The following CDS2 variants were observed in gnomAD, a reference collection of about 807,000 sequenced individuals.
CDS2 encodes the protein CDP-diacylglycerol synthase 2, also known as phosphatidate cytidylyltransferase 2.
In CDS2, 47 loss-of-function variants were observed where a neutral mutation model predicts 59.0. That is an observed-to-expected ratio of 0.80 (90% CI 0.63 to 1.02). The LOEUF (loss-of-function observed/expected upper bound fraction) is 1.02, where lower values mean the gene tolerates loss of function less well. Among genes scored for constraint, CDS2 ranks in the 50% least tolerant of loss-of-function variants. CDS2 has a pLI of 0.00. For missense variants in CDS2, 356 were observed against 558.9 expected (o/e 0.64, Z 3.66); for synonymous variants, 207 against 206.4 (o/e 1.00, Z -0.02).
At chr20:5,127,273 C>A in intron 1 of CDS2, 124 bp downstream of exon 1, 3 of 913,698 alleles carry the variant, frequency 3.3e-6, no homozygotes, top group Non-Finnish European at 4.5e-6. Context: ...CGGCCCCGGG[C>A]CCGGGTAGCG....
rs538446982 is a variant in CDS2 at position 5,158,048 on chromosome 20, C to G, written c.58-15475C>G. Among the ~76,000 whole-genome samples the G allele has an allele frequency of 6.9e-4, 105 of 151,586 alleles. 1 individual carries two copies. The highest frequency in any genetic ancestry group is 1.3e-3 in the Non-Finnish European group (88 of 67,904). ...GAGTTTTTTGTTTTTTGTTTGTTTG[C>G]TTGTTTTAGCTTATCAGCTATCGTT... On this transcript the variant is annotated intron_variant, in intron 1 of 12. Transcript: ENST00000460006.
rs2091091121 is a variant in CDS2, at chr20:5,188,930, T to A, written c.982-137T>A. Reference sequence around the variant, plus strand: ...GCCATTCATGAGGGATTTGCCCCTGTGACCCAAACACCTCCCACTAGGCAT... The same window carrying A: ...GCCATTCATGAGGGATTTGCCCCTGAGACCCAAACACCTCCCACTAGGCAT... On this transcript the variant is annotated intron_variant, in intron 10 of 12. Coordinates refer to ENST00000460006, the MANE Select transcript of CDS2 (RefSeq NM_003818.4). The A allele has an allele frequency of 4.9e-6, 5 of 1,024,588 alleles. No homozygotes were observed. The East Asian group carries it at 9.6e-5, about 20-fold the overall frequency. The allele number at this position is 1,024,588 out of a possible 1,614,324, so 63.5% of individuals were successfully genotyped here.
intron 1 of CDS2, among the ~76,000 whole-genome samples, chr20:5,145,863 G>C (rs2090739148): frequency 7.7e-6 from 1 of 129,498 alleles, no homozygotes; most frequent in Non-Finnish European, 1.6e-5. Context: ...TCGCTCTGTT[G>C]CCCAGGCTAG....
intron 1 of CDS2, among the ~76,000 whole-genome samples, chr20:5,147,828 A>G (rs1294796338): frequency 1.3e-5 from 2 of 152,006 alleles, no homozygotes; most frequent in Non-Finnish European, 2.9e-5. Flanking sequence ...ATAGTGGCAC[A>G]CCATTGCACC....
rs1014115170 is a variant in CDS2, at chr20:5,189,997, A to G, written c.1206-105A>G. The G allele has an allele frequency of 5.0e-5, 74 of 1,478,086 alleles. No individual in the cohort carries two copies. In the Admixed American group the frequency reaches 1.4e-3, roughly 28 times the overall value. 91.6% of individuals were successfully genotyped at this position (1,478,086 alleles called of 1,614,324 possible). On this transcript the variant is annotated intron_variant, in intron 12 of 12. Transcript: ENST00000460006. ...TTTCTGAGGCCTCCTGTCATCTGTT[A>G]ATAGATAACTCTCTGATCCAGAGAT...
At chr20:5,173,012 C>T (rs1359590781) in intron 1 of CDS2, among the ~76,000 whole-genome samples, 2 of 152,138 alleles carry the variant, frequency 1.3e-5, no homozygotes, top group East Asian at 3.9e-4. Context: ...GGTTCGTTGT[C>T]CACACTGACT....
At chr20:5,153,911 T>C (rs1600485796) in intron 1 of CDS2, among the ~76,000 whole-genome samples, 1 of 152,174 alleles carries the variant, frequency 6.6e-6, no homozygotes, top group Non-Finnish European at 1.5e-5. Flanking sequence ...GAAACTTTCA[T>C]GATATTTGTC....
chr20:5,169,102 C>G (rs1186285950), intron 1 of CDS2, among the ~76,000 whole-genome samples: 1 of 152,236 alleles, frequency 6.6e-6, no homozygotes, highest in African/African-American at 2.4e-5. Context: ...TTTAAAGCAG[C>G]ACTCTTGTTT....
At chr20:5,187,349 A>G (rs1341524978) in intron 10 of CDS2, 1 of 165,246 alleles carries the variant, frequency 6.1e-6, no homozygotes, top group African/African-American at 2.4e-5. Context: ...CCTTTTTAAC[A>G]CTCTCTACTG....
rs1046709227 is a variant in CDS2, at chr20:5,191,908, C to G, written c.*1674C>G. ...TGTCACTGGCAGGATGCATCACTCT[C>G]CAGGGCCTCTTTTTCGGAGCTACTC... On this transcript the variant is annotated 3_prime_UTR_variant, in exon 13 of 13. Coordinates refer to ENST00000460006, the MANE Select transcript of CDS2 (RefSeq NM_003818.4). 1.3e-5 allele frequency: 2 copies of G among 152,208 alleles called. No individual in the cohort carries two copies. Among genetic ancestry groups the G allele is most frequent in the Non-Finnish European group, 2.9e-5 (2 of 68,050 alleles). 9.4% of individuals were successfully genotyped at this position (152,208 alleles called of 1,614,324 possible). A position where few individuals can be genotyped will look rare whatever the true frequency, so the allele number is the denominator to read the frequency against.
chr20:5,169,637 T>C (rs1484674616), intron 1 of CDS2, among the ~76,000 whole-genome samples: 1 of 152,218 alleles, frequency 6.6e-6, no homozygotes, highest in African/African-American at 2.4e-5. Context: ...CATGAACATA[T>C]GCATATGTCT....
rs2090904122 is a variant in CDS2, at chr20:5,165,111, T to A, written c.58-8412T>A. On this transcript the variant is annotated intron_variant, in intron 1 of 12. Coordinates refer to ENST00000460006, the MANE Select transcript of CDS2 (RefSeq NM_003818.4). ...TGCAGAGGTTGGGACTCAGTACAAC[T>A]GTACGTATTTGAGTTAGAAAGCCTT... Among the ~76,000 whole-genome samples the A allele has an allele frequency of 3.3e-5, 5 of 152,216 alleles. No homozygotes were observed. The South Asian group carries it at 8.3e-4, about 25-fold the overall frequency.
At chr20:5,147,271 T>C (rs915306561) in intron 1 of CDS2, among the ~76,000 whole-genome samples, 8 of 152,148 alleles carry the variant, frequency 5.3e-5, no homozygotes, top group Non-Finnish European at 1.2e-4. Context: ...TGGGAGATTA[T>C]AAGGATGGAG....
chr20:5,146,062 A>G (rs1035931526), intron 1 of CDS2, among the ~76,000 whole-genome samples: 19 of 151,962 alleles, frequency 1.3e-4, no homozygotes, highest in African/African-American at 4.3e-4. Flanking sequence ...GGCTCAAGTG[A>G]TCCTCCCACC....
chr20:5,136,619 T>G (rs1429421113), intron 1 of CDS2, among the ~76,000 whole-genome samples: 1 of 152,232 alleles, frequency 6.6e-6, no homozygotes, highest in Non-Finnish European at 1.5e-5. Context: ...AGCTCCCTCC[T>G]GTTAGGATTT....
At chr20:5,142,689 TTA>T (rs140287367) in intron 1 of CDS2, among the ~76,000 whole-genome samples, 1,870 of 152,298 alleles carry the variant, frequency 0.012, 48 homozygotes, top group African/African-American at 0.041. Context: ...AATTAAGAAC[TTA>T]TGTTTATTGA....
chr20:5,142,747 A>T (rs989084882), intron 1 of CDS2, among the ~76,000 whole-genome samples: 11 of 152,246 alleles, frequency 7.2e-5, no homozygotes, highest in Admixed American at 7.2e-4. Context: ...CAATGAGAAG[A>T]TATTTATAAC....
At chr20:5,179,926 A>G (rs2091021567) in intron 5 of CDS2, among the ~76,000 whole-genome samples, 1 of 152,234 alleles carries the variant, frequency 6.6e-6, no homozygotes, top group South Asian at 2.1e-4. Flanking sequence ...CTCAATGTCA[A>G]TCTGACCTAT....
chr20:5,143,600 TTC>T (rs1419622751), intron 1 of CDS2, among the ~76,000 whole-genome samples: 1 of 151,260 alleles, frequency 6.6e-6, no homozygotes, highest in Non-Finnish European at 1.5e-5. Context: ...CTGCTTTCAG[TTC>T]TTTTTCTTTT....
Sources: gnomAD v4.1 joint callset for allele counts (sites outside exome capture counted in the v4.1 genomes callset) on GRCh38, gnomAD v4.1.1 for gene constraint, MANE v1.5 for transcripts, NCBI Gene and HGNC (gene_info 2026-07-23, HGNC 2026-07-21) for gene names.